Variants in CHN2 observed in about 807,000 individuals in gnomAD.
CHN2 encodes beta-chimaerin.
In CHN2, 35 loss-of-function variants were observed where a neutral mutation model predicts 56.3. The ratio of observed to expected loss-of-function variants is 0.62; its 90% CI spans 0.47 to 0.82. The LOEUF (loss-of-function observed/expected upper bound fraction) is 0.82. Among genes scored for constraint, CHN2 ranks in the 40% least tolerant of loss-of-function variants. The probability of loss-of-function intolerance (pLI) is 0.00; values close to 1 mark genes in which losing one functional copy is unlikely to be tolerated. For missense variants in CHN2, 491 were observed against 580.5 expected (o/e 0.85, Z 1.58); for synonymous variants, 210 against 212.8 (o/e 0.99, Z 0.12).
At chr7:29,146,955 C>A in exon 2 of CHN2, 5 of 1,551,078 alleles carry the variant, frequency 3.2e-6, no homozygotes, top group Non-Finnish European at 4.4e-6. Context: ...TCCAGCTGCA[C>A]TAGCAGTAAG....
At chr7:29,152,842 G>A (rs985860754) in intron 2 of CHN2, among the ~76,000 whole-genome samples, 2 of 152,158 alleles carry the variant, frequency 1.3e-5, no homozygotes, top group African/African-American at 2.4e-5. Context: ...CTTGTTATTC[G>A]TGGATTCCAT....
chr7:29,165,133 A>T (rs994129403), intron 2 of CHN2, among the ~76,000 whole-genome samples: 1 of 152,186 alleles, frequency 6.6e-6, no homozygotes, highest in African/African-American at 2.4e-5. Flanking sequence ...TAATCTAAAG[A>T]TCAATGTGGG....
intron 1 of CHN2, among the ~76,000 whole-genome samples, chr7:29,206,887 A>G (rs1784558730): frequency 6.6e-6 from 1 of 152,192 alleles, no homozygotes; most frequent in Non-Finnish European, 1.5e-5. Flanking sequence ...TGGAACACTC[A>G]AGATAGGCAA....
intron 1 of CHN2, among the ~76,000 whole-genome samples, chr7:29,281,014 A>G (rs1791664898): frequency 6.6e-6 from 1 of 152,186 alleles, no homozygotes; most frequent in Admixed American, 6.5e-5. Context: ...TATAAACACT[A>G]TTATATACAT....
At chr7:29,150,533 G>C (rs1032006684) in intron 2 of CHN2, among the ~76,000 whole-genome samples, 1 of 152,134 alleles carries the variant, frequency 6.6e-6, no homozygotes, top group Admixed American at 6.5e-5. Flanking sequence ...TTAAATTCCA[G>C]TTAAGAAGAC....
chr7:29,336,969 C>G (rs1477740828), intron 1 of CHN2, among the ~76,000 whole-genome samples: 1 of 152,030 alleles, frequency 6.6e-6, no homozygotes, highest in Admixed American at 6.6e-5. Flanking sequence ...TCCCATTCGC[C>G]CCTGCCAGGA....
intron 1 of CHN2, among the ~76,000 whole-genome samples, chr7:29,291,678 C>T (rs1163183667): frequency 6.6e-6 from 1 of 152,012 alleles, no homozygotes; most frequent in Admixed American, 6.6e-5. Context: ...GTTTTTCTTT[C>T]TAATAAACCA....
intron 1 of CHN2, among the ~76,000 whole-genome samples, chr7:29,337,060 A>T (rs1415628646): frequency 1.3e-5 from 2 of 152,022 alleles, no homozygotes; most frequent in African/African-American, 4.8e-5. Flanking sequence ...CCCCTCTAGG[A>T]TTGGGTGCTG....
At chr7:29,269,178 C>T (rs1329805356) in intron 1 of CHN2, among the ~76,000 whole-genome samples, 2 of 152,040 alleles carry the variant, frequency 1.3e-5, no homozygotes, top group Non-Finnish European at 2.9e-5. Flanking sequence ...TTTTTGTGCC[C>T]GTGAACCTCT....
chr7:29,512,436 C>T lies in CHN2; in HGVS notation c.1236-128C>T, dbSNP rs548390065. The T allele has an allele frequency of 3.7e-6, 3 of 805,450 alleles. No individual in the cohort carries two copies. The African/African-American group carries it at 5.3e-5, about 14-fold the overall frequency. 49.9% of individuals were successfully genotyped at this position (805,450 alleles called of 1,614,324 possible). A position where few individuals can be genotyped will look rare whatever the true frequency, so the allele number is the denominator to read the frequency against. On this transcript the variant is annotated intron_variant, in intron 12 of 12. Coordinates refer to ENST00000222792, the MANE Select transcript of CHN2 (RefSeq NM_004067.4). ...CTTCCAAAAATACCTTTCTGCTGTT[C>T]TGATTCCCAATCTTTTTCTTGCAAT... is the stretch of plus-strand genomic sequence containing the variant.
At chr7:29,440,401 T>C (rs1437553690) in intron 6 of CHN2, among the ~76,000 whole-genome samples, 1 of 151,738 alleles carries the variant, frequency 6.6e-6, no homozygotes, top group Non-Finnish European at 1.5e-5. Flanking sequence ...AATTAAAGAG[T>C]GCACAGAGGC....
chr7:29,417,666 A>G (rs185144560), intron 6 of CHN2, among the ~76,000 whole-genome samples: 1 of 152,210 alleles, frequency 6.6e-6, no homozygotes, highest in Non-Finnish European at 1.5e-5. Flanking sequence ...CATGTGGTTC[A>G]AACTAATATC....
At chr7:29,189,772 C>T (rs745931459) in intron 2 of CHN2, among the ~76,000 whole-genome samples, 4 of 152,084 alleles carry the variant, frequency 2.6e-5, no homozygotes, top group Non-Finnish European at 4.4e-5. Flanking sequence ...CTGCATGTGC[C>T]GATCTGATCC....
At chr7:29,354,724 T>A (rs562936976) in intron 2 of CHN2, 61 bp downstream of exon 2, 1 of 1,498,202 alleles carries the variant, frequency 6.7e-7, no homozygotes, top group African/African-American at 1.4e-5. Context: ...TTCTGAACAA[T>A]TCTTGCCAGC....
At chr7:29,196,146 A>C (rs1258372235) in intron 1 of CHN2, among the ~76,000 whole-genome samples, 1 of 152,238 alleles carries the variant, frequency 6.6e-6, no homozygotes, top group Non-Finnish European at 1.5e-5. Context: ...AAGCAGGGCA[A>C]AAAGGCAACC....
chr7:29,317,628 C>T (rs1414478770), intron 1 of CHN2, among the ~76,000 whole-genome samples: 1 of 152,188 alleles, frequency 6.6e-6, no homozygotes, highest in Non-Finnish European at 1.5e-5. Context: ...ACGTTTTTAG[C>T]ACCTCTTTCG....
chr7:29,402,594 C>T (rs1802306438), intron 6 of CHN2, among the ~76,000 whole-genome samples: 1 of 152,158 alleles, frequency 6.6e-6, no homozygotes, highest in Non-Finnish European at 1.5e-5. Flanking sequence ...ATCTCTGAAG[C>T]AGTGTTTATA....
chr7:29,264,816 A>AG (rs1350183534), intron 1 of CHN2, among the ~76,000 whole-genome samples: 4 of 108,602 alleles, frequency 3.7e-5, no homozygotes, highest in South Asian at 3.4e-4. Flanking sequence ...AAATACTAAA[A>AG]GGGGAAAAAA....
At chr7:29,354,772 G>A (rs1007076117) in intron 2 of CHN2, 109 bp downstream of exon 2, 1 of 929,810 alleles carries the variant, frequency 1.1e-6, no homozygotes, top group Non-Finnish European at 1.7e-6. Flanking sequence ...TCACAGCACT[G>A]AAAACCCAAA....
Sources: allele counts gnomAD v4.1 joint callset (sites outside exome capture counted in the v4.1 genomes callset), GRCh38; gene constraint gnomAD v4.1.1; transcripts MANE v1.5; gene names NCBI Gene and HGNC (gene_info 2026-07-23, HGNC 2026-07-21).